Variants in NTN1 observed in about 807,000 individuals in gnomAD.
NTN1 encodes netrin 1, also known as netrin-1.
NTN1 carries 11 observed loss-of-function variants against 54.2 expected under a neutral mutation model. The observed-to-expected ratio is 0.20, with a 90% confidence interval of 0.13 to 0.34. The LOEUF is 0.34. Among genes scored for constraint, NTN1 ranks in the 10% least tolerant of loss-of-function variants. The pLI is 1.00. For missense variants in NTN1, 740 were observed against 893.1 expected, an observed-to-expected ratio of 0.83 and a Z score of 2.18; for synonymous variants, 371 against 382.0, an observed-to-expected ratio of 0.97 and a Z score of 0.33.
intron 3 of NTN1, among the ~76,000 whole-genome samples, chr17:9,163,426 C>T (rs981625361): frequency 9.5e-5 from 14 of 148,092 alleles, no homozygotes; most frequent in East Asian, 4.3e-4. Context: ...ACCAAATGCA[C>T]GCAGACTCAC....
intron 2 of NTN1, among the ~76,000 whole-genome samples, chr17:9,162,238 G>C (rs2092359106): frequency 6.6e-6 from 1 of 152,184 alleles, no homozygotes; most frequent in East Asian, 1.9e-4. Flanking sequence ...GGCAGCAGGG[G>C]CCTCAGTAGT....
In NTN1 at chr17:9,162,806, C is replaced by G. The variant is rs201189799; in HGVS notation, c.1019-7C>G. The G allele has an allele frequency of 1.2e-6, 2 of 1,607,050 alleles. No homozygotes were observed. The highest frequency in any genetic ancestry group is 2.2e-5 in the South Asian group (2 of 90,836). ...CGGCTGACACCTCTCTCTGTCTCCC[C>G]CTGCAGCCTGTAACTGCAACCTGCA... On this transcript the variant is annotated splice_region_variant and splice_polypyrimidine_tract_variant and intron_variant, in intron 2 of 6. Transcript: ENST00000173229.
chr17:9,080,680 T>C (rs1382504473), intron 2 of NTN1, among the ~76,000 whole-genome samples: 1 of 152,182 alleles, frequency 6.6e-6, no homozygotes, highest in East Asian at 1.9e-4. Flanking sequence ...GCTTGGACTT[T>C]CCCTCTCCCT....
In NTN1 at chr17:9,059,095, C is replaced by T. The variant is rs114906837; in HGVS notation, c.1018+35704C>T. ...AGAATAGCACCTGGTACACAGTAAG[C>T]CCTCTATATTATCATTCATGGTGAT... is the stretch of plus-strand genomic sequence containing the variant. On this transcript the variant is annotated intron_variant, in intron 2 of 6. Coordinates refer to ENST00000173229, the MANE Select transcript of NTN1 (RefSeq NM_004822.3). Among the ~76,000 whole-genome samples the T allele has an allele frequency of 8.1e-4, 124 of 152,214 alleles. 1 individual carries two copies. The Middle Eastern group carries it at 0.01, about 13-fold the overall frequency.
intron 2 of NTN1, among the ~76,000 whole-genome samples, chr17:9,149,190 T>G (rs143825675): frequency 0.015 from 2,290 of 152,160 alleles, 36 homozygotes; most frequent in Non-Finnish European, 0.021. Context: ...AGCCCTCATA[T>G]GTCCATTTCA....
chr17:9,012,250 G>T, the NTN1 span, among the ~76,000 whole-genome samples: 2 of 151,976 alleles, frequency 1.3e-5, no homozygotes, highest in African/African-American at 4.8e-5. Context: ...AGCAGCTCAC[G>T]CCTGTAATCC....
At chr17:9,123,852 T>C (rs1264543186) in intron 2 of NTN1, among the ~76,000 whole-genome samples, 2 of 152,226 alleles carry the variant, frequency 1.3e-5, no homozygotes, top group Non-Finnish European at 2.9e-5. Context: ...CTGGAGGCTT[T>C]GTAAGTGGTA....
At chr17:9,207,653 A>G (rs1482780765) in intron 5 of NTN1, among the ~76,000 whole-genome samples, 2 of 152,194 alleles carry the variant, frequency 1.3e-5, no homozygotes, top group Non-Finnish European at 2.9e-5. Context: ...AGCATCCTGC[A>G]GCCCTGAAGC....
intron 2 of NTN1, among the ~76,000 whole-genome samples, chr17:9,087,424 GT>G: frequency 6.6e-6 from 1 of 152,336 alleles, no homozygotes; most frequent in African/African-American, 2.4e-5. Context: ...GCGTTTTCTA[GT>G]TTTGGACTTC....
intron 6 of NTN1, among the ~76,000 whole-genome samples, chr17:9,234,964 G>GGTT (rs1555580090): frequency 1.5e-5 from 2 of 130,072 alleles, no homozygotes; most frequent in Non-Finnish European, 3.1e-5. Flanking sequence ...TTGTTTTTTG[G>GGTT]TTTTTTTTTT....
At chr17:9,155,187 C>T (rs2092337925) in intron 2 of NTN1, among the ~76,000 whole-genome samples, 1 of 152,200 alleles carries the variant, frequency 6.6e-6, no homozygotes, top group Admixed American at 6.5e-5. Context: ...TACTAGACCA[C>T]TGTCCATCTT....
intron 2 of NTN1, among the ~76,000 whole-genome samples, chr17:9,058,637 C>CAAAAAAAAAAAAAAAAAAAAAAAAAAAAA (rs3053457): frequency 6.8e-5 from 4 of 58,906 alleles, no homozygotes; most frequent in Non-Finnish European, 6.0e-5. Flanking sequence ...GGTAGGCACT[C>CAAAAAAAAAAAAAAAAAAAAAAAAAAAAA]AAAAAAAAAA....
upstream of NTN1, among the ~76,000 whole-genome samples, chr17:9,021,380 G>A (rs1238433911): frequency 2.6e-5 from 4 of 151,662 alleles, no homozygotes; most frequent in African/African-American, 9.7e-5. Context: ...CGTCCGGGCC[G>A]GTTCCCTTTA....
chr17:9,069,921 C>A lies in NTN1; in HGVS notation c.1018+46530C>A, dbSNP rs540140331. 3.9e-5 allele frequency among the ~76,000 whole-genome samples: 6 copies of A among 152,312 alleles called. No homozygotes were observed. In the Middle Eastern group the frequency reaches 0.01, roughly 259 times the overall value. On this transcript the variant is annotated intron_variant, in intron 2 of 6. Transcript: ENST00000173229. ...AATGAACCACCTGTGGCTCATCCTC[C>A]TGGGAAGAGTTTGGTGGGTAACCCA...
At chr17:9,104,487 C>T (rs1458798796) in intron 2 of NTN1, among the ~76,000 whole-genome samples, 1 of 152,282 alleles carries the variant, frequency 6.6e-6, no homozygotes, top group Non-Finnish European at 1.5e-5. Context: ...TCCTGTGCTT[C>T]GGGGCCTGGG....
chr17:9,233,181 T>G (rs1490244389), intron 6 of NTN1, among the ~76,000 whole-genome samples: 1 of 151,590 alleles, frequency 6.6e-6, no homozygotes, highest in Non-Finnish European at 1.5e-5. Context: ...CTCCAGGAGG[T>G]AGGAAGCCTC....
chr17:9,112,798 C>T (rs2092196839), intron 2 of NTN1, among the ~76,000 whole-genome samples: 2 of 127,992 alleles, frequency 1.6e-5, no homozygotes, highest in South Asian at 2.6e-4. Flanking sequence ...TGCACTCCAG[C>T]CTGGGTGACA....
At chr17:9,027,877 C>T (rs8069096) in intron 2 of NTN1, among the ~76,000 whole-genome samples, 25,037 of 151,840 alleles carry the variant, frequency 0.16, 2,222 homozygotes, top group African/African-American at 0.19. Flanking sequence ...TCAAAGGTGG[C>T]GAAGCTGAGC....
chr17:9,200,110 C>G (rs967864342), intron 5 of NTN1, among the ~76,000 whole-genome samples: 1 of 152,372 alleles, frequency 6.6e-6, no homozygotes, highest in East Asian at 1.9e-4. Context: ...TACAAGCATC[C>G]TTCTTTCATG....
Sources: gnomAD v4.1 joint callset for allele counts (sites outside exome capture counted in the v4.1 genomes callset) on GRCh38, gnomAD v4.1.1 for gene constraint, MANE v1.5 for transcripts, NCBI Gene and HGNC (gene_info 2026-07-23, HGNC 2026-07-21) for gene names.